The following ZNF761 variants were observed in gnomAD, a reference collection of about 807,000 sequenced individuals.
The protein encoded by ZNF761 is zinc finger protein 761.
In ZNF761, 43 loss-of-function variants were observed where a neutral mutation model predicts 59.9. The ratio of observed to expected loss-of-function variants is 0.72; its 90% CI spans 0.56 to 0.92. The LOEUF (loss-of-function observed/expected upper bound fraction) is 0.92, where lower values mean the gene tolerates loss of function less well. Ranked by LOEUF, ZNF761 falls within the 40% of genes least tolerant of loss-of-function variation. The probability of loss-of-function intolerance (pLI) is 0.00; values close to 1 mark genes in which losing one functional copy is unlikely to be tolerated. For missense variants in ZNF761, 850 were observed against 906.1 expected (o/e 0.94, Z 0.79); for synonymous variants, 294 against 304.8 (o/e 0.96, Z 0.37).
chr19:53,454,588 C>T lies in ZNF761; in HGVS notation c.143-62C>T, dbSNP rs2086247115. The stretch of plus-strand genomic sequence containing the variant: ...TATTGTTTTTTGTGTCGTATTTACA[C>T]ATTTCAGCATTATTTACCATCTGTA... On this transcript the variant is annotated intron_variant, in intron 4 of 4. Transcript: ENST00000684525. The T allele has an allele frequency of 2.0e-6, 3 of 1,470,858 alleles. No individual in the cohort carries two copies. In the South Asian group the frequency reaches 4.4e-5, roughly 21 times the overall value. The allele number at this position is 1,470,858 out of a possible 1,614,324, so 91.1% of individuals were successfully genotyped here.
chr19:53,435,132 G>A (rs1018074661), intron 1 of ZNF761, among the ~76,000 whole-genome samples: 1 of 151,928 alleles, frequency 6.6e-6, no homozygotes, highest in Admixed American at 6.6e-5. Flanking sequence ...AAAAGGGGGG[G>A]ACCTTGGTTT....
Position 53,457,405 on chromosome 19 carries a change from CCT to C in ZNF761, c.*659_*660del. 1 of 402,224 alleles carries C rather than the reference CCT, an allele frequency of 2.5e-6. No homozygotes were observed. 24.9% of individuals were successfully genotyped at this position (402,224 alleles called of 1,614,324 possible). ...TAGGAGAATTCATACAGGAGAGAAA[CCT>C]CACATGTGTGATGATAGTGGCAAAG... On this transcript the variant is annotated 3_prime_UTR_variant, in exon 5 of 5. Coordinates refer to ENST00000684525, the MANE Select transcript of ZNF761 (RefSeq NM_001289951.2).
intron 3 of ZNF761, among the ~76,000 whole-genome samples, chr19:53,448,975 A>G (rs935412551): frequency 9.9e-5 from 15 of 152,050 alleles, no homozygotes; most frequent in African/African-American, 3.4e-4. Flanking sequence ...GAATGTTGTC[A>G]TCTCTGAAGA....
chr19:53,433,856 C>T (rs1347507683), intron 1 of ZNF761, among the ~76,000 whole-genome samples: 2 of 151,664 alleles, frequency 1.3e-5, no homozygotes, highest in East Asian at 3.9e-4. Flanking sequence ...AAGACGGACT[C>T]AAGAGTCTAT....
At chr19:53,433,461 C>CAGCGTTATTTTGTAACTGTTCTCT (rs1482125258) in intron 1 of ZNF761, among the ~76,000 whole-genome samples, 1 of 143,490 alleles carries the variant, frequency 7.0e-6, no homozygotes. Context: ...TCGACTTCGC[C>CAGCGTTATTTTGTAACTGTTCTCT]AAGTCGAGCT....
chr19:53,451,637 C>T (rs572496721), intron 4 of ZNF761, among the ~76,000 whole-genome samples: 3 of 151,938 alleles, frequency 2.0e-5, no homozygotes, highest in Admixed American at 6.6e-5. Context: ...GGCTGGAGTG[C>T]GGTGGTGCGA....
chr19:53,444,340 G>C (rs1408991567), intron 1 of ZNF761: 1 of 152,210 alleles, frequency 6.6e-6, no homozygotes, highest in African/African-American at 2.4e-5. Flanking sequence ...TGAGATAGGA[G>C]AAAACCGCCT....
intron 1 of ZNF761, among the ~76,000 whole-genome samples, chr19:53,436,136 T>C (rs952476159): frequency 6.6e-6 from 1 of 152,166 alleles, no homozygotes; most frequent in African/African-American, 2.4e-5. Context: ...CCTGAACTGC[T>C]GGTTTCAGCT....
rs1354767291 is a variant in ZNF761 at position 53,456,702 on chromosome 19, A to C, written c.2195A>C (p.Asn732Thr). Reference sequence around the variant, plus strand: ...GGCAAGACCTTTAGTCAGAAGTCAAACCTTACATGCCATCGTAGACTTCAT... The same window carrying C: ...GGCAAGACCTTTAGTCAGAAGTCAACCCTTACATGCCATCGTAGACTTCAT... Reference protein sequence around the residue: ...ECGKTFSQKSNLTCHRRLHTG... With the variant: ...ECGKTFSQKSTLTCHRRLHTG... The change falls in exon 5 of 5, where the codon AAC (asparagine) becomes ACC (threonine). Residue 732 changes from asparagine to threonine, a missense_variant. Physicochemically the swap from Asn to Thr is moderately conservative, Grantham distance 65 (BLOSUM62 0). Coordinates refer to ENST00000684525, the MANE Select transcript of ZNF761 (RefSeq NM_001289951.2). 19 of 1,612,116 alleles carry C rather than the reference A, an allele frequency of 1.2e-5. No individual in the cohort carries two copies. The highest frequency in any genetic ancestry group is 2.2e-5 in the East Asian group (1 of 44,666).
intron 2 of ZNF761, among the ~76,000 whole-genome samples, chr19:53,446,615 C>T (rs1467452264): frequency 1.3e-5 from 2 of 151,820 alleles, no homozygotes; most frequent in Non-Finnish European, 2.9e-5. Context: ...TCAAGTAATC[C>T]ACCCTCCTCA....
At chr19:53,432,629 C>A (rs2085984385) in intron 1 of ZNF761, among the ~76,000 whole-genome samples, 1 of 152,126 alleles carries the variant, frequency 6.6e-6, no homozygotes, top group Non-Finnish European at 1.5e-5. Context: ...GGGATGCAGG[C>A]GTCTTACTCC....
intron 1 of ZNF761, among the ~76,000 whole-genome samples, chr19:53,438,808 T>C (rs78720319): frequency 0.014 from 2,095 of 152,302 alleles, 58 homozygotes; most frequent in African/African-American, 0.048. Flanking sequence ...CTTTCTTTTT[T>C]GATATTTTGT....
chr19:53,436,880 T>C (rs1191333491), intron 1 of ZNF761, among the ~76,000 whole-genome samples: 2 of 152,154 alleles, frequency 1.3e-5, no homozygotes, highest in African/African-American at 4.8e-5. Context: ...CGCTAAAGTT[T>C]ATAAGCAAGT....
chr19:53,437,330 A>G (rs1260834185), intron 1 of ZNF761, among the ~76,000 whole-genome samples: 1 of 150,482 alleles, frequency 6.6e-6, no homozygotes, highest in East Asian at 1.9e-4. Context: ...AAAAAAAAAA[A>G]GAAAAAATGG....
intron 1 of ZNF761, chr19:53,442,880 A>AAAAG: frequency 3.3e-5 from 1 of 29,876 alleles, no homozygotes; most frequent in Non-Finnish European, 9.3e-5. Flanking sequence ...TCATGTTGTG[A>AAAAG]AAAAAAAAAT....
At position 53,456,633 on chromosome 19, in the gene ZNF761, A is replaced by G. The variant is rs140627929; in HGVS notation, c.2126A>G (p.His709Arg). 7.1e-5 allele frequency: 115 copies of G among 1,612,458 alleles called. No individual in the cohort carries two copies. The African/African-American group carries it at 1.2e-3, about 17-fold the overall frequency. The change falls in exon 5 of 5, where the codon CAT becomes CGT. Residue 709 changes from histidine (H) to arginine (R), a missense_variant. By Grantham distance (29) the His-to-Arg change is conservative. Transcript: ENST00000684525. ...FSQKSSLICHHRLHTGEKPYK... is the reference protein window; with the variant it reads ...FSQKSSLICHRRLHTGEKPYK... ...CAGAAGTCATCCCTTATATGCCACCATAGACTTCATACTGGAGAGAAACCT... is the reference window on the plus strand; with the variant it reads ...CAGAAGTCATCCCTTATATGCCACCGTAGACTTCATACTGGAGAGAAACCT...
chr19:53,445,241 C>T (rs894699818), intron 1 of ZNF761: 5 of 152,134 alleles, frequency 3.3e-5, no homozygotes, highest in African/African-American at 1.2e-4. Flanking sequence ...TGTGTTCACA[C>T]TTCTGCATTT....
chr19:53,455,189 T>C lies in ZNF761; in HGVS notation c.682T>C (p.Ser228Pro), dbSNP rs1343235356. 6.8e-6 allele frequency: 11 copies of C among 1,614,098 alleles called. No individual in the cohort carries two copies. The highest frequency in any genetic ancestry group is 5.3e-5 in the African/African-American group (4 of 74,936). Residue 228 changes from serine (S) to proline (P), a missense_variant, in exon 5 of 5, where the codon TCA becomes CCA. Physicochemically the swap from Ser to Pro is moderately conservative, Grantham distance 74 (BLOSUM62 -1). Coordinates refer to ENST00000684525, the MANE Select transcript of ZNF761 (RefSeq NM_001289951.2). ...GAGTGGCAAAGCCTTTAATTACAGC[T>C]CACTCTTAAGGAAACATCAGATAAT... ...NESGKAFNYS[S>P]LLRKHQIIHL...
intron 1 of ZNF761, among the ~76,000 whole-genome samples, chr19:53,436,665 G>A (rs1272673686): frequency 2.0e-5 from 3 of 152,158 alleles, no homozygotes; most frequent in Non-Finnish European, 4.4e-5. Context: ...TAGCAGACTT[G>A]TGAAATCTTA....
Sources: gnomAD v4.1 joint callset for allele counts (sites outside exome capture counted in the v4.1 genomes callset) on GRCh38, gnomAD v4.1.1 for gene constraint, MANE v1.5 for transcripts, NCBI Gene and HGNC (gene_info 2026-07-23, HGNC 2026-07-21) for gene names.